DMXL2: variants seen among roughly 807,000 people sequenced by gnomAD.
The protein encoded by DMXL2 is Dmx like 2.
DMXL2 carries 103 observed loss-of-function variants against 331.1 expected under a neutral mutation model. The observed-to-expected ratio is 0.31, with a 90% CI of 0.27 to 0.37. The LOEUF is 0.37. Among genes scored for constraint, DMXL2 ranks in the 10% least tolerant of loss-of-function variants. DMXL2 has a pLI of 1.00. For missense variants in DMXL2, 3,171 were observed against 3,642.9 expected, an observed-to-expected ratio of 0.87 and a Z score of 3.33; for synonymous variants, 1,281 against 1,252.1, an observed-to-expected ratio of 1.02 and a Z score of -0.49.
intron 10 of DMXL2, 44 bp from the exon 11 acceptor site, chr15:51,537,803 C>A (rs371394740): frequency 1.4e-5 from 21 of 1,550,296 alleles, no homozygotes; most frequent in South Asian, 2.4e-5. Flanking sequence ...TTAAATAATT[C>A]ATTTACATAC....
chr15:51,555,769 G>C (rs2049523574), intron 6 of DMXL2, among the ~76,000 whole-genome samples: 1 of 151,778 alleles, frequency 6.6e-6, no homozygotes, highest in Admixed American at 6.6e-5. Context: ...AAAAATCATA[G>C]GTAAATACAA....
intron 25 of DMXL2, 136 bp downstream of exon 25, chr15:51,479,812 T>C (rs973977545): frequency 5.8e-6 from 3 of 521,548 alleles, no homozygotes; most frequent in Admixed American, 4.2e-5. Context: ...TTCATTGGAC[T>C]AATAGTCTTG....
rs556072031 is a variant in DMXL2, at chr15:51,479,874, G to C, written c.6756+74C>G. The C allele has an allele frequency of 2.6e-5, 30 of 1,162,538 alleles. No individual in the cohort carries two copies. The African/African-American group carries it at 4.4e-4, about 17-fold the overall frequency. 72.0% of individuals were successfully genotyped at this position (1,162,538 alleles called of 1,614,324 possible). A position where few individuals can be genotyped will look rare whatever the true frequency, so the allele number is the denominator to read the frequency against. Reference sequence around the variant, plus strand: ...ACTTTGAAATATTTCCCCTAAGTTCGAATTAAAAGACAGGTATAACATATT... The same window carrying C: ...ACTTTGAAATATTTCCCCTAAGTTCCAATTAAAAGACAGGTATAACATATT... On this transcript the variant is annotated intron_variant, in intron 25 of 43. Coordinates refer to ENST00000560891, the MANE Select transcript of DMXL2 (RefSeq NM_001378457.1).
chr15:51,450,636 A>G (rs2039049344), intron 42 of DMXL2: 1 of 380,490 alleles, frequency 2.6e-6, no homozygotes, highest in South Asian at 2.3e-5. Context: ...AGTATACAGA[A>G]GAGCAGAGAC....
rs191794842 is a variant in DMXL2 at position 51,603,160 on chromosome 15, C to T, written c.87+19299G>A. On this transcript the variant is annotated intron_variant, in intron 1 of 43. Transcript: ENST00000560891. ...GATATCAATGATATTAACAGAAAAC[C>T]AAGAGTGAATATGAATGAAATCAAA... 3.9e-4 allele frequency among the ~76,000 whole-genome samples: 59 copies of T among 151,924 alleles called. 2 individuals are homozygous for T. In the East Asian group the frequency reaches 0.01, roughly 27 times the overall value.
chr15:51,480,130 C>T lies in DMXL2; in HGVS notation c.6574G>A (p.Val2192Ile), dbSNP rs561010667. The T allele has an allele frequency of 1.3e-6, 2 of 1,533,326 alleles. No individual in the cohort carries two copies. The highest frequency in any genetic ancestry group is 1.8e-6 in the Non-Finnish European group (2 of 1,131,868). 95.0% of individuals were successfully genotyped at this position (1,533,326 alleles called of 1,614,324 possible). Residue 2192 changes from valine to isoleucine, a missense_variant, in exon 25 of 44, where the codon GTA becomes ATA. Val to Ile is a conservative substitution (Grantham distance 29). Transcript: ENST00000560891. ...GGTAGTGGAGACTGGAGCTGCTTTA[C>T]TGTAGTTTCCTGTGGGTGATAGTGA... ...LLQESQQETTVKQLQSPLPLP... is the reference protein window; with the variant it reads ...LLQESQQETTIKQLQSPLPLP...
intron 1 of DMXL2, among the ~76,000 whole-genome samples, chr15:51,612,907 T>C (rs191202684): frequency 7.8e-4 from 119 of 152,338 alleles, no homozygotes; most frequent in East Asian, 9.6e-4. Context: ...GCAGCCATTT[T>C]AGAGGCCTCC....
At chr15:51,604,238 A>G (rs745768790) in intron 1 of DMXL2, among the ~76,000 whole-genome samples, 4 of 151,386 alleles carry the variant, frequency 2.6e-5, no homozygotes, top group Admixed American at 6.6e-5. Context: ...AACAAGGAAT[A>G]AAAAAGAATC....
chr15:51,455,619 G>C (rs1595880051), intron 39 of DMXL2, among the ~76,000 whole-genome samples: 1 of 152,142 alleles, frequency 6.6e-6, no homozygotes, highest in South Asian at 2.1e-4. Context: ...TCAAATGCTG[G>C]AGTTCAAGCA....
chr15:51,599,931 C>A (rs779860899), intron 1 of DMXL2, among the ~76,000 whole-genome samples: 2 of 151,994 alleles, frequency 1.3e-5, no homozygotes, highest in Non-Finnish European at 2.9e-5. Flanking sequence ...AATCTCCTGA[C>A]CTCGTGATCT....
rs541739792 is a variant in DMXL2, at chr15:51,476,815, C to A, written c.6834-96G>T. 5.8e-5 allele frequency: 59 copies of A among 1,015,636 alleles called. No individual in the cohort carries two copies. In the African/African-American group the frequency reaches 8.7e-4, roughly 15 times the overall value. The allele number at this position is 1,015,636 out of a possible 1,614,324, so 62.9% of individuals were successfully genotyped here. A position where few individuals can be genotyped will look rare whatever the true frequency, so the allele number is the denominator to read the frequency against. ...TATTTTAGACACCTATTTTAAGAAACAAAAATTCTTAAAATGCATTCACTG... is the reference window on the plus strand; with the variant it reads ...TATTTTAGACACCTATTTTAAGAAAAAAAAATTCTTAAAATGCATTCACTG... On this transcript the variant is annotated intron_variant, in intron 26 of 43. Coordinates refer to ENST00000560891, the MANE Select transcript of DMXL2 (RefSeq NM_001378457.1).
At chr15:51,534,020 T>C (rs967404374) in intron 13 of DMXL2, among the ~76,000 whole-genome samples, 9 of 152,194 alleles carry the variant, frequency 5.9e-5, no homozygotes, top group Non-Finnish European at 1.3e-4. Context: ...AAAATAGGTC[T>C]ACATTTGGAC....
chr15:51,574,484 T>C (rs1158806630), intron 2 of DMXL2, among the ~76,000 whole-genome samples: 1 of 152,192 alleles, frequency 6.6e-6, no homozygotes, highest in East Asian at 1.9e-4. Context: ...CAAAAAGTGA[T>C]TTTAACTCTT....
intron 6 of DMXL2, among the ~76,000 whole-genome samples, chr15:51,549,396 C>A (rs939935583): frequency 1.3e-5 from 2 of 152,068 alleles, no homozygotes; most frequent in African/African-American, 4.8e-5. Context: ...TATATTTTTG[C>A]AACTGCAAAT....
chr15:51,622,297 CG>C (rs2054698753), intron 1 of DMXL2, among the ~76,000 whole-genome samples, 161 bp downstream of exon 1: 1 of 152,206 alleles, frequency 6.6e-6, no homozygotes, highest in Non-Finnish European at 1.5e-5. Context: ...CACGGTCCCA[CG>C]GGTCCCAGGG....
At chr15:51,546,620 C>A (rs939265664) in intron 7 of DMXL2, among the ~76,000 whole-genome samples, 1 of 151,946 alleles carries the variant, frequency 6.6e-6, no homozygotes, top group Non-Finnish European at 1.5e-5. Flanking sequence ...TTTGTATAAG[C>A]TTTTTTGCAG....
At chr15:51,474,704 T>G (rs2041418189) in intron 27 of DMXL2, 112 bp from the exon 28 acceptor site, 1 of 1,185,274 alleles carries the variant, frequency 8.4e-7, no homozygotes, top group East Asian at 2.6e-5. Flanking sequence ...TACAAAATAT[T>G]TCCATAATTT....
intron 1 of DMXL2, among the ~76,000 whole-genome samples, chr15:51,616,935 TAAAAAAAAAAAAA>T (rs34051640): frequency 1.2e-5 from 1 of 81,232 alleles, no homozygotes; most frequent in Non-Finnish European, 2.3e-5. Context: ...AGACTCCATC[TAAAAAAAAAAAAA>T]AAAAAAAAAA....
chr15:51,607,830 G>A (rs1280597017), intron 1 of DMXL2, among the ~76,000 whole-genome samples: 1 of 152,192 alleles, frequency 6.6e-6, no homozygotes, highest in Non-Finnish European at 1.5e-5. Flanking sequence ...TCAAGGTGCT[G>A]AAAGAAAACA....
Sources: allele counts gnomAD v4.1 joint callset (sites outside exome capture counted in the v4.1 genomes callset), GRCh38; gene constraint gnomAD v4.1.1; transcripts MANE v1.5; gene names NCBI Gene and HGNC (gene_info 2026-07-23, HGNC 2026-07-21).